IFT81: variants seen among roughly 807,000 people sequenced by gnomAD.
IFT81 encodes the protein intraflagellar transport protein 81 homolog.
A neutral mutation model predicts 102.6 loss-of-function variants in IFT81; 72 were observed. The ratio of observed to expected loss-of-function variants is 0.70; its 90% confidence interval spans 0.58 to 0.85. IFT81 has a LOEUF of 0.85. Ranked by LOEUF, IFT81 falls within the 40% of genes least tolerant of loss-of-function variation. The probability of loss-of-function intolerance (pLI) is 0.00; values close to 1 mark genes in which losing one functional copy is unlikely to be tolerated. For missense variants in IFT81, 723 were observed against 787.3 expected (o/e 0.92, Z 0.98); for synonymous variants, 237 against 242.7 (o/e 0.98, Z 0.22).
At chr12:110,130,409 A>G (rs1894094001) in intron 4 of IFT81, among the ~76,000 whole-genome samples, 1 of 143,828 alleles carries the variant, frequency 7.0e-6, no homozygotes, top group Admixed American at 7.4e-5. Context: ...TCTGTTGCCC[A>G]GGCTGGATGG....
At chr12:110,166,640 G>T (rs1334212141) in intron 11 of IFT81, among the ~76,000 whole-genome samples, 1 of 151,536 alleles carries the variant, frequency 6.6e-6, no homozygotes, top group Non-Finnish European at 1.5e-5. Context: ...TTTTCCCAAA[G>T]TTACACAGTT....
intron 11 of IFT81, chr12:110,169,207 T>C (rs530843872): frequency 6.6e-6 from 1 of 152,168 alleles, no homozygotes; most frequent in Admixed American, 6.5e-5. Flanking sequence ...TCCCTGATCA[T>C]TTCATGCGTG....
At chr12:110,173,099 C>A (rs1393196516) in intron 11 of IFT81, among the ~76,000 whole-genome samples, 4 of 147,806 alleles carry the variant, frequency 2.7e-5, no homozygotes. Flanking sequence ...ACCAGCCGCC[C>A]CATCCGGGAG....
intron 12 of IFT81, among the ~76,000 whole-genome samples, chr12:110,187,415 C>T (rs1897585332): frequency 6.6e-6 from 1 of 152,224 alleles, no homozygotes; most frequent in South Asian, 2.1e-4. Flanking sequence ...AGGCACCCAC[C>T]ACCACACCCG....
intron 18 of IFT81, among the ~76,000 whole-genome samples, chr12:110,212,721 C>T (rs760718809): frequency 1.3e-5 from 2 of 151,520 alleles, no homozygotes; most frequent in Non-Finnish European, 2.9e-5. Flanking sequence ...CCTGTAATCC[C>T]AGCTACTCAG....
chr12:110,205,496 T>C lies in IFT81; in HGVS notation c.1698T>C (p.Tyr566=). Residue 566 remains tyrosine, a synonymous_variant, in exon 16 of 19, where the codon TAT becomes TAC. Transcript: ENST00000242591. ...TTCAAGAAGAAAGTAGATACCATTA[T>C]ACAAATTGTATGATTAAGGTAAGAC... ...ECLQEESRYH[Y]TNCMIKNLEV... 6.2e-7 allele frequency: 1 copy of C among 1,604,542 alleles called. No individual in the cohort carries two copies. Among genetic ancestry groups the C allele is most frequent in the Non-Finnish European group, 8.5e-7 (1 of 1,176,212 alleles).
chr12:110,162,928 A>G lies in IFT81; in HGVS notation c.1051A>G (p.Ile351Val), dbSNP rs768329601. The G allele has an allele frequency of 9.3e-6, 15 of 1,612,170 alleles. No homozygotes were observed. The African/African-American group carries it at 1.9e-4, about 20-fold the overall frequency. Residue 351 changes from isoleucine (I) to valine (V), a missense_variant, in exon 11 of 19, where the codon ATT becomes GTT. Coordinates refer to ENST00000242591, the MANE Select transcript of IFT81 (RefSeq NM_014055.4). Reference sequence around the variant, plus strand: ...TTTAATGCTCAATCAGGCATCTATCATTTCCCGTAAAAAAGAAGCCAAAGC... The same window carrying G: ...TTTAATGCTCAATCAGGCATCTATCGTTTCCCGTAAAAAAGAAGCCAAAGC... ...LSLYRQQASI[I>V]SRKKEAKAEE... is the part of the protein sequence containing the mutation.
chr12:110,157,950 A>G (rs1268775213), intron 10 of IFT81, among the ~76,000 whole-genome samples: 3 of 152,204 alleles, frequency 2.0e-5, no homozygotes, highest in Admixed American at 6.5e-5. Context: ...CCACATCTTC[A>G]TGAGTTCTTT....
intron 1 of IFT81, among the ~76,000 whole-genome samples, chr12:110,126,480 G>C (rs1593269720): frequency 2.0e-5 from 3 of 152,042 alleles, no homozygotes; most frequent in African/African-American, 7.2e-5. Flanking sequence ...TGAGATGAAG[G>C]AGGGGTGCGC....
At chr12:110,130,162 A>G (rs1292272744) in intron 4 of IFT81, among the ~76,000 whole-genome samples, 2 of 152,166 alleles carry the variant, frequency 1.3e-5, no homozygotes, top group Admixed American at 1.3e-4. Context: ...CTCTTAAGAC[A>G]GTATTTATGC....
At chr12:110,178,414 CAAA>C (rs75333089) in intron 11 of IFT81, among the ~76,000 whole-genome samples, 5 of 57,962 alleles carry the variant, frequency 8.6e-5, no homozygotes, top group Non-Finnish European at 1.0e-4. Context: ...GACTCCATCT[CAAA>C]AAAAAAAAAA....
At chr12:110,131,037 CTT>C (rs1894130584) in intron 4 of IFT81, among the ~76,000 whole-genome samples, 1 of 152,248 alleles carries the variant, frequency 6.6e-6, no homozygotes, top group African/African-American at 2.4e-5. Context: ...AATCCTAGCA[CTT>C]TGGGAGGCCA....
intron 8 of IFT81, among the ~76,000 whole-genome samples, chr12:110,141,547 A>T (rs1030328843): frequency 1.3e-5 from 2 of 152,200 alleles, no homozygotes; most frequent in African/African-American, 4.8e-5. Context: ...TATGCAATCT[A>T]TTACACAGAT....
At chr12:110,186,677 C>T (rs1306096165) in intron 12 of IFT81, among the ~76,000 whole-genome samples, 2 of 151,830 alleles carry the variant, frequency 1.3e-5, no homozygotes. Context: ...CCATGCTCAG[C>T]CATTTTGTGT....
chr12:110,197,838 G>A (rs527529271), intron 14 of IFT81, among the ~76,000 whole-genome samples: 1 of 151,844 alleles, frequency 6.6e-6, no homozygotes, highest in East Asian at 1.9e-4. Context: ...TCAGCCTCCC[G>A]AGTACCTGAG....
At chr12:110,127,665 A>G in intron 2 of IFT81, 141 bp downstream of exon 2, 4 of 735,364 alleles carry the variant, frequency 5.4e-6, no homozygotes, top group Non-Finnish European at 8.2e-6. Context: ...AATGCATAAC[A>G]TTTCTCTGCT....
chr12:110,159,025 A>G (rs1039263660), intron 10 of IFT81, among the ~76,000 whole-genome samples: 2 of 152,188 alleles, frequency 1.3e-5, no homozygotes, highest in African/African-American at 4.8e-5. Flanking sequence ...CCTGGCTGTG[A>G]TTTTTTTGAT....
At chr12:110,198,118 T>C (rs1898097383) in intron 14 of IFT81, among the ~76,000 whole-genome samples, 1 of 152,242 alleles carries the variant, frequency 6.6e-6, no homozygotes, top group Non-Finnish European at 1.5e-5. Flanking sequence ...CCTATATATT[T>C]AGCAGTTTTC....
At chr12:110,178,079 A>G (rs1897119188) in intron 11 of IFT81, among the ~76,000 whole-genome samples, 1 of 150,908 alleles carries the variant, frequency 6.6e-6, no homozygotes, top group African/African-American at 2.4e-5. Context: ...TAGGTGACAG[A>G]GCGAGACTCT....
Sources: gnomAD v4.1 joint callset for allele counts (sites outside exome capture counted in the v4.1 genomes callset) on GRCh38, gnomAD v4.1.1 for gene constraint, MANE v1.5 for transcripts, NCBI Gene and HGNC (gene_info 2026-07-23, HGNC 2026-07-21) for gene names.